SHROOM3: variants seen among roughly 807,000 people sequenced by gnomAD.
SHROOM3 encodes the protein shroom family member 3, also known as protein Shroom3.
A neutral mutation model predicts 138.6 loss-of-function variants in SHROOM3; 47 were observed. That is an observed-to-expected ratio of 0.34 (90% CI 0.27 to 0.43). SHROOM3 has a LOEUF of 0.43. Ranked by LOEUF, SHROOM3 falls within the 20% of genes least tolerant of loss-of-function variation. The pLI is 1.00. For synonymous variants in SHROOM3, 1,062 were observed against 1,063.3 expected (o/e 1.00, Z 0.02); for missense variants, 2,491 against 2,596.5 (o/e 0.96, Z 0.88).
chr4:76,474,926 CA>C (rs1198507418), intron 1 of SHROOM3, among the ~76,000 whole-genome samples: 67 of 137,988 alleles, frequency 4.9e-4, no homozygotes, highest in African/African-American at 6.9e-4. Flanking sequence ...GACTCTGGCT[CA>C]AAAAAAAAAA....
At chr4:76,616,152 T>TA (rs1021195617) in intron 2 of SHROOM3, among the ~76,000 whole-genome samples, 18 of 152,078 alleles carry the variant, frequency 1.2e-4, no homozygotes, top group African/African-American at 3.6e-4. Flanking sequence ...GCAGATGTTC[T>TA]AAAAAAAACA....
At chr4:76,760,375 G>A (rs922896115) in intron 9 of SHROOM3, among the ~76,000 whole-genome samples, 11 of 152,168 alleles carry the variant, frequency 7.2e-5, no homozygotes, top group East Asian at 1.9e-4. Flanking sequence ...GAAAGTTCTC[G>A]CCTTCCACTT....
chr4:76,490,565 C>CTTTA (rs1440724615), intron 1 of SHROOM3, among the ~76,000 whole-genome samples: 1 of 152,072 alleles, frequency 6.6e-6, no homozygotes, highest in Admixed American at 6.6e-5. Flanking sequence ...GCTTCTGGTC[C>CTTTA]TTTTATTACT....
intron 9 of SHROOM3, among the ~76,000 whole-genome samples, chr4:76,761,638 G>C (rs1238756927): frequency 2.6e-5 from 4 of 152,194 alleles, no homozygotes; most frequent in African/African-American, 4.8e-5. Flanking sequence ...TGGGAACTGA[G>C]CTAAACTGGA....
rs551932813 is a variant in SHROOM3 at position 76,705,815 on chromosome 4, G to T, written c.324-4341G>T. Among the ~76,000 whole-genome samples, 9 of 152,296 alleles carry T rather than the reference G, an allele frequency of 5.9e-5. No homozygotes were observed. In the South Asian group the frequency reaches 1.9e-3, roughly 32 times the overall value. ...ATAAAACAGCTCCAAGAAATGTCTT[G>T]TTAGTTTTGCCAACAAGTTAACTTG... On this transcript the variant is annotated intron_variant, in intron 2 of 10. Transcript: ENST00000296043.
At chr4:76,764,541 C>G (rs946414907) in intron 9 of SHROOM3, among the ~76,000 whole-genome samples, 2 of 152,238 alleles carry the variant, frequency 1.3e-5, no homozygotes, top group African/African-American at 4.8e-5. Context: ...AATAGGTCTG[C>G]TGATAACACA....
rs1463272255 is a variant in SHROOM3, at chr4:76,735,859, AAAAAAAAAAATATATATATATATAT to A, written c.588-2900_588-2876del. Among the ~76,000 whole-genome samples the A allele has an allele frequency of 8.3e-3, 212 of 25,438 alleles. 4 individuals carry two copies. The highest frequency in any genetic ancestry group is 0.014 in the Non-Finnish European group (149 of 10,740). 16.7% of individuals were successfully genotyped at this position (25,438 alleles called of 152,430 possible). ...TATCTTAAAAAAAAAAAAAAAAAAAAAAAAAAAAAATATATATATATATATATATATATATATATATATATTTTAG... is the reference window on the plus strand; with the variant it reads ...TATCTTAAAAAAAAAAAAAAAAAAAAATATATATATATATATATATTTTAG... On this transcript the variant is annotated intron_variant, in intron 4 of 10. Coordinates refer to ENST00000296043, the MANE Select transcript of SHROOM3 (RefSeq NM_020859.4).
chr4:76,478,665 C>G (rs897337823), intron 1 of SHROOM3, among the ~76,000 whole-genome samples: 1 of 152,182 alleles, frequency 6.6e-6, no homozygotes, highest in African/African-American at 2.4e-5. Flanking sequence ...GGTTCATGAC[C>G]CCCTTGCCTC....
At chr4:76,681,968 C>T (rs1254957946) in intron 2 of SHROOM3, among the ~76,000 whole-genome samples, 1 of 152,118 alleles carries the variant, frequency 6.6e-6, no homozygotes, top group Admixed American at 6.6e-5. Flanking sequence ...GTGCCCTCAA[C>T]TCTCTGCTTC....
chr4:76,754,885 A>G lies in SHROOM3; in HGVS notation c.4402A>G (p.Ser1468Gly), dbSNP rs2110143865. The change falls in exon 7 of 11, where the codon AGC becomes GGC. Residue 1468 changes from serine to glycine, a missense_variant. Physicochemically the swap from Ser to Gly is moderately conservative, Grantham distance 56 (BLOSUM62 0). Around this residue, in one of 4 missense-constraint regions of SHROOM3, gnomAD observed 1,733 missense variants for 1,661.6 expected, o/e 1.04. Transcript: ENST00000296043. Reference protein sequence around the residue: ...QKQQSLPSLCSTSDPDTPLGA... With the variant: ...QKQQSLPSLCGTSDPDTPLGA... The stretch of plus-strand genomic sequence containing the variant: ...ACAGCAGAGTCTTCCAAGTTTATGC[A>G]GCACTTCTGACCCAGACACACCTCT... 1 of 1,614,184 alleles carries G rather than the reference A, an allele frequency of 6.2e-7. No homozygotes were observed. Among genetic ancestry groups the G allele is most frequent in the Non-Finnish European group, 8.5e-7 (1 of 1,180,014 alleles).
At chr4:76,445,831 C>T (rs1730793677) in intron 1 of SHROOM3, among the ~76,000 whole-genome samples, 1 of 152,138 alleles carries the variant, frequency 6.6e-6, no homozygotes, top group Non-Finnish European at 1.5e-5. Context: ...TTCTTCCTCC[C>T]TCTCATGTAC....
chr4:76,452,840 C>T (rs1370358108), intron 1 of SHROOM3, among the ~76,000 whole-genome samples: 2 of 152,176 alleles, frequency 1.3e-5, no homozygotes, highest in African/African-American at 4.8e-5. Flanking sequence ...GCCTCAGCCT[C>T]CCAAGTAACT....
intron 1 of SHROOM3, among the ~76,000 whole-genome samples, chr4:76,546,654 T>TAAA: frequency 6.6e-6 from 1 of 152,216 alleles, no homozygotes; most frequent in East Asian, 1.9e-4. Flanking sequence ...CTTGACGTCT[T>TAAA]TTGTTATCCA....
chr4:76,563,625 C>G (rs1301441944), intron 2 of SHROOM3, among the ~76,000 whole-genome samples: 2 of 152,162 alleles, frequency 1.3e-5, no homozygotes, highest in African/African-American at 4.8e-5. Flanking sequence ...GTTCTTTAGA[C>G]AGCACAATAT....
chr4:76,563,637 C>T (rs1733642170), intron 2 of SHROOM3, among the ~76,000 whole-genome samples: 2 of 152,190 alleles, frequency 1.3e-5, no homozygotes, highest in South Asian at 2.1e-4. Context: ...GCACAATATG[C>T]TGCCTCTGGG....
chr4:76,608,547 T>C (rs1734672660), intron 2 of SHROOM3, among the ~76,000 whole-genome samples: 1 of 65,078 alleles, frequency 1.5e-5, no homozygotes, highest in African/African-American at 5.5e-5. Flanking sequence ...TAGCATAGCA[T>C]AGCATAGCAT....
chr4:76,610,656 T>C (rs530731514), intron 2 of SHROOM3, among the ~76,000 whole-genome samples: 14 of 152,340 alleles, frequency 9.2e-5, no homozygotes, highest in Non-Finnish European at 1.6e-4. Context: ...ATGTACACCT[T>C]TGGGAATCCA....
At chr4:76,592,358 G>T (rs573168151) in intron 2 of SHROOM3, among the ~76,000 whole-genome samples, 81 of 152,304 alleles carry the variant, frequency 5.3e-4, no homozygotes, top group Admixed American at 1.1e-3. Context: ...AATAATTTGT[G>T]TAAAGCCTTC....
Position 76,740,667 on chromosome 4 carries a change from A to G in SHROOM3, c.2494A>G (p.Ile832Val), listed in dbSNP as rs1553945640. The change falls in exon 5 of 11, where the codon ATT becomes GTT. Residue 832 changes from isoleucine (I) to valine (V), a missense_variant. This residue lies in a region of SHROOM3 where 1,733 missense variants were observed against 1,661.6 expected (regional missense o/e 1.04). Coordinates refer to ENST00000296043, the MANE Select transcript of SHROOM3 (RefSeq NM_020859.4). This position sits in a 1 kb window ranked among gnomAD's most constrained non-coding sequence, Gnocchi z 4.0. The part of the protein sequence containing the change: ...GNDFEETKAH[I>V]RFSESAEPLG... ...TGACTTCGAGGAGACAAAAGCACAC[A>G]TTCGTTTCTCTGAGTCAGCTGAACC... 6.2e-7 allele frequency: 1 copy of G among 1,614,134 alleles called. No homozygotes were observed. The highest frequency in any genetic ancestry group is 8.5e-7 in the Non-Finnish European group (1 of 1,180,024).
Sources: allele counts gnomAD v4.1 joint callset (sites outside exome capture counted in the v4.1 genomes callset), GRCh38; gene constraint gnomAD v4.1.1; regional missense constraint gnomAD v4.1.1; non-coding constraint Gnocchi (gnomAD v3.1); transcripts MANE v1.5; gene names NCBI Gene and HGNC (gene_info 2026-07-23, HGNC 2026-07-21).